FCSK: variants seen among roughly 807,000 people sequenced by gnomAD.
FCSK encodes fucose kinase.
A neutral mutation model predicts 122.5 loss-of-function variants in FCSK; 123 were observed. That is an observed-to-expected ratio of 1.00 (90% confidence interval 0.87 to 1.17). The LOEUF (loss-of-function observed/expected upper bound fraction) is 1.17, where lower values mean the gene tolerates loss of function less well. FCSK is among the 50% of genes most tolerant of loss of function. The pLI is 0.00. For synonymous variants in FCSK, 620 were observed against 625.5 expected, an observed-to-expected ratio of 0.99 and a Z score of 0.13; for missense variants, 1,366 against 1,450.4, an observed-to-expected ratio of 0.94 and a Z score of 0.95.
chr16:70,470,921 G>A, intron 11 of FCSK, 50 bp from the exon 12 acceptor site: 1 of 1,485,806 alleles, frequency 6.7e-7, no homozygotes. Context: ...GAGAGCTGGG[G>A]CAGCCCTGGG....
chr16:70,454,852 A>C (rs1476152060), intron 1 of FCSK: 1 of 152,144 alleles, frequency 6.6e-6, no homozygotes, highest in Admixed American at 6.5e-5. Flanking sequence ...TTCCAAGGGG[A>C]GCCCCGCGAC....
chr16:70,476,827 A>C (rs896913911), intron 20 of FCSK, among the ~76,000 whole-genome samples: 1 of 152,226 alleles, frequency 6.6e-6, no homozygotes, highest in Non-Finnish European at 1.5e-5. Flanking sequence ...GTACCATTCA[A>C]GTTCTACATT....
chr16:70,471,962 C>T lies in FCSK; in HGVS notation c.1342-579C>T, dbSNP rs191933202. On this transcript the variant is annotated intron_variant, in intron 13 of 23. Transcript: ENST00000288078. Reference sequence around the variant, plus strand: ...CTGGGAGTACAGGCGCCCACCACCACGCCTGGCAAATTTTTTTGTATTTTT... The same window carrying T: ...CTGGGAGTACAGGCGCCCACCACCATGCCTGGCAAATTTTTTTGTATTTTT... 1.8e-3 allele frequency among the ~76,000 whole-genome samples: 275 copies of T among 152,204 alleles called. 3 individuals are homozygous for T. The highest frequency in any genetic ancestry group is 1.2e-3 in the East Asian group (6 of 5,176).
At chr16:70,464,177 C>G (rs988525879) in intron 3 of FCSK, among the ~76,000 whole-genome samples, 1 of 152,176 alleles carries the variant, frequency 6.6e-6, no homozygotes, top group Non-Finnish European at 1.5e-5. Context: ...CCACTTCACC[C>G]GGTCACCTTG....
chr16:70,460,820 C>G (rs1229757707), intron 1 of FCSK, among the ~76,000 whole-genome samples: 1 of 152,200 alleles, frequency 6.6e-6, no homozygotes, highest in Non-Finnish European at 1.5e-5. Context: ...CAAAGCGTGG[C>G]CTCCATGTAA....
chr16:70,455,527 ACCTTAGGG>A (rs2048066565), intron 1 of FCSK, among the ~76,000 whole-genome samples: 1 of 151,040 alleles, frequency 6.6e-6, no homozygotes, highest in Non-Finnish European at 1.5e-5. Flanking sequence ...CAACAAAAGA[ACCTTAGGG>A]CCTTAGGGCA....
intron 22 of FCSK, 183 bp downstream of exon 22, chr16:70,478,833 A>C (rs2151733583): frequency 1.4e-6 from 1 of 709,388 alleles, no homozygotes; most frequent in South Asian, 1.5e-5. Flanking sequence ...TCTGAGGACA[A>C]AATTTTCATC....
intron 17 of FCSK, 39 bp downstream of exon 17, chr16:70,474,733 C>T (rs900261226): frequency 9.6e-6 from 15 of 1,566,882 alleles, no homozygotes; most frequent in African/African-American, 8.1e-5. Context: ...GGGTAGCTGC[C>T]CCAGAGCCAG....
intron 18 of FCSK, 109 bp downstream of exon 18, chr16:70,475,120 C>G (rs2048763474): frequency 1.8e-6 from 2 of 1,111,092 alleles, no homozygotes; most frequent in East Asian, 5.2e-5. Context: ...GCCAGTCTGG[C>G]TGAGGAGCCT....
chr16:70,473,320 T>C lies in FCSK; in HGVS notation c.1744T>C (p.Cys582Arg). ...PLIWAAVREG[C>R]PGPLLATLDQ... ...GATCTGGGCTGCTGTCCGCGAGGGC[T>C]GCCCCGGGCCCCTGCTGGCCACGCT... Residue 582 changes from cysteine to arginine, a missense_variant, in exon 15 of 24, where the codon TGC becomes CGC. Coordinates refer to ENST00000288078, the MANE Select transcript of FCSK (RefSeq NM_145059.3). This position sits in a 1 kb window ranked among gnomAD's most constrained non-coding sequence, Gnocchi z 4.9. 6.6e-7 allele frequency: 1 copy of C among 1,516,684 alleles called. No individual in the cohort carries two copies. 94.0% of individuals were successfully genotyped at this position (1,516,684 alleles called of 1,614,324 possible). A position where few individuals can be genotyped will look rare whatever the true frequency, so the allele number is the denominator to read the frequency against.
chr16:70,462,414 C>G (rs2048294335), intron 1 of FCSK: 1 of 152,272 alleles, frequency 6.6e-6, no homozygotes, highest in East Asian at 1.9e-4. Context: ...CAGCCATAAT[C>G]TCCCAGGCTC....
chr16:70,470,335 A>G lies in FCSK; in HGVS notation c.977A>G (p.Tyr326Cys), dbSNP rs1319863328. Residue 326 changes from tyrosine to cysteine, a missense_variant, in exon 11 of 24, where the codon TAC becomes TGC. Transcript: ENST00000288078. ...ACAGCCTATGTCTCCAGCGGCAGCT[A>G]CAGCTACATGACCTCCTCAGCCAGT... is the stretch of plus-strand genomic sequence containing the variant. ...LTMAYVSSGS[Y>C]SYMTSSASEF... The G allele has an allele frequency of 3.1e-6, 5 of 1,613,336 alleles. No homozygotes were observed. In the East Asian group the frequency reaches 8.9e-5, roughly 29 times the overall value.
At chr16:70,458,231 C>G (rs1217514281) in intron 1 of FCSK, among the ~76,000 whole-genome samples, 2 of 150,542 alleles carry the variant, frequency 1.3e-5, no homozygotes, top group Non-Finnish European at 2.9e-5. Context: ...ACAATCTCTG[C>G]TCACTGCAAC....
intron 1 of FCSK, among the ~76,000 whole-genome samples, chr16:70,460,851 C>G (rs1038671699): frequency 2.0e-5 from 3 of 152,196 alleles, no homozygotes; most frequent in Non-Finnish European, 4.4e-5. Context: ...AGATTCAGAT[C>G]GTAGCAGCTG....
Position 70,479,950 on chromosome 16 carries a change from C to A in FCSK, c.*270C>A. The A allele has an allele frequency of 3.1e-6, 1 of 322,070 alleles. No individual in the cohort carries two copies. Among genetic ancestry groups the A allele is most frequent in the South Asian group, 6.3e-5 (1 of 15,862 alleles). 20.0% of individuals were successfully genotyped at this position (322,070 alleles called of 1,614,324 possible). ...CACGTGGCCTTTACAAATCCTATGG[C>A]TGGCCTTCTCATTCCACAAGGGCCC... On this transcript the variant is annotated 3_prime_UTR_variant, in exon 24 of 24. Transcript: ENST00000288078.
Position 70,473,004 on chromosome 16 carries a change from T to C in FCSK, c.1428T>C (p.Pro476=), listed in dbSNP as rs7192865. 801,160 of 1,597,292 alleles carry C rather than the reference T, an allele frequency of 0.5. 207,151 individuals carry two copies. Among genetic ancestry groups the C allele is most frequent in the African/African-American group, 0.77 (57,058 of 74,416 alleles). ...TGVRAWDLWD[P]ETLPAEYCLP... ...TCAGAGCCTGGGACCTGTGGGACCC[T>C]GAGACGCTGCCCGCAGAGTACTGCC... Residue 476 remains proline, a synonymous_variant, in exon 15 of 24, where the codon CCT becomes CCC. Transcript: ENST00000288078. This position sits in a 1 kb window ranked among gnomAD's most constrained non-coding sequence, Gnocchi z 4.9.
At chr16:70,471,856 A>G (rs1421895772) in intron 13 of FCSK, among the ~76,000 whole-genome samples, 2 of 140,158 alleles carry the variant, frequency 1.4e-5, no homozygotes, top group Admixed American at 1.5e-4. Context: ...CCCAGGCCGG[A>G]GTGCAGTGGC....
Position 70,479,270 on chromosome 16 carries a change from G to C in FCSK, c.3020G>C (p.Arg1007Pro). The change falls in exon 23 of 24, where the codon CGT (arginine) becomes CCT (proline). Residue 1007 changes from arginine (R) to proline (P), a missense_variant. Arg to Pro is a moderately radical substitution (Grantham distance 103). Transcript: ENST00000288078. ...GGCTGTGAGCCCCTGACTGTGCGGC[G>C]TATGATGGATGTCCTGGCCCCCCAC... ...APGCEPLTVR[R>P]MMDVLAPHVH... is the part of the protein sequence containing the mutation. The C allele has an allele frequency of 6.2e-7, 1 of 1,614,002 alleles. No individual in the cohort carries two copies. Among genetic ancestry groups the C allele is most frequent in the Non-Finnish European group, 8.5e-7 (1 of 1,180,040 alleles).
At chr16:70,476,007 CT>C (rs766432363) in intron 20 of FCSK, among the ~76,000 whole-genome samples, 212 of 145,136 alleles carry the variant, frequency 1.5e-3, no homozygotes, top group Admixed American at 1.8e-3. Flanking sequence ...GTGCTGTGCC[CT>C]TTTTTTTTTT....
Sources: gnomAD v4.1 joint callset for allele counts (sites outside exome capture counted in the v4.1 genomes callset) on GRCh38, gnomAD v4.1.1 for gene constraint, Gnocchi (gnomAD v3.1) non-coding constraint, MANE v1.5 for transcripts, NCBI Gene and HGNC (gene_info 2026-07-23, HGNC 2026-07-21) for gene names.